Variants in SPIRE1 observed in about 807,000 individuals in gnomAD.
The protein encoded by SPIRE1 is protein spire homolog 1.
In SPIRE1, 40 loss-of-function variants were observed where a neutral mutation model predicts 94.1. The observed-to-expected ratio is 0.43, with a 90% CI of 0.33 to 0.55. The LOEUF is 0.55. Among genes scored for constraint, SPIRE1 ranks in the 20% least tolerant of loss-of-function variants. The pLI, the probability that SPIRE1 is intolerant of heterozygous loss-of-function variation, is 0.06. For synonymous variants in SPIRE1, 376 were observed against 371.7 expected (o/e 1.01, Z -0.13); for missense variants, 838 against 975.2 (o/e 0.86, Z 1.87).
At chr18:12,607,596 T>TACAC (rs34187168) in intron 2 of SPIRE1, among the ~76,000 whole-genome samples, 4,126 of 146,212 alleles carry the variant, frequency 0.028, 81 homozygotes, top group African/African-American at 0.04. Context: ...TCCACAGCAC[T>TACAC]ACACACACAC....
intron 4 of SPIRE1, among the ~76,000 whole-genome samples, chr18:12,525,659 AC>A (rs1341903749): frequency 6.6e-6 from 1 of 152,160 alleles, no homozygotes; most frequent in Non-Finnish European, 1.5e-5. Context: ...GTGACTATAC[AC>A]ACGGGAACCT....
At chr18:12,637,748 A>G (rs918596026) in intron 1 of SPIRE1, among the ~76,000 whole-genome samples, 1 of 152,214 alleles carries the variant, frequency 6.6e-6, no homozygotes, top group Non-Finnish European at 1.5e-5. Context: ...AAATTGGCTG[A>G]TTTCAGGGCT....
At position 12,479,725 on chromosome 18, in the gene SPIRE1, C is replaced by A; in HGVS notation, c.1378G>T (p.Ala460Ser). ...TCAGACTCAGAGCTGTCCAGTTCGG[C>A]CAGAGTTGGGGCTCTGAGGAGCTTC... The part of the protein sequence containing the change: ...RKKLLRAPTL[A>S]ELDSSESEEE... The change falls in exon 10 of 17, where the codon GCC becomes TCC. Residue 460 changes from alanine to serine, a missense_variant. This residue lies in a region of SPIRE1 where 645 missense variants were observed against 804.7 expected (regional missense o/e 0.80). Transcript: ENST00000409402. 1 of 1,613,566 alleles carries A rather than the reference C, an allele frequency of 6.2e-7. No homozygotes were observed. Among genetic ancestry groups the A allele is most frequent in the Non-Finnish European group, 8.5e-7 (1 of 1,179,854 alleles).
At chr18:12,456,960 C>T (rs1040741181) in intron 12 of SPIRE1, among the ~76,000 whole-genome samples, 1 of 152,138 alleles carries the variant, frequency 6.6e-6, no homozygotes, top group Middle Eastern at 3.2e-3. Context: ...GCCTCAGCCC[C>T]CTGAGTAGCT....
intron 2 of SPIRE1, among the ~76,000 whole-genome samples, chr18:12,566,702 A>T (rs192431078): frequency 7.8e-4 from 118 of 152,232 alleles, no homozygotes; most frequent in Non-Finnish European, 1.5e-3. Flanking sequence ...AAGAATAAAT[A>T]ATTAATAACC....
intron 2 of SPIRE1, among the ~76,000 whole-genome samples, chr18:12,603,065 C>G (rs529093519): frequency 6.6e-6 from 1 of 152,282 alleles, no homozygotes; most frequent in Admixed American, 6.5e-5. Flanking sequence ...CATAGCTTAG[C>G]CTAGCCTACC....
intron 2 of SPIRE1, among the ~76,000 whole-genome samples, chr18:12,628,857 A>C (rs1287643796): frequency 6.6e-6 from 1 of 152,082 alleles, no homozygotes; most frequent in Non-Finnish European, 1.5e-5. Context: ...GTCTGTTATT[A>C]GTGTACAGGA....
chr18:12,609,365 T>C (rs2037075107), intron 2 of SPIRE1, among the ~76,000 whole-genome samples: 1 of 152,200 alleles, frequency 6.6e-6, no homozygotes, highest in African/African-American at 2.4e-5. Context: ...TACAAGCTGG[T>C]TGATGAAACC....
At chr18:12,541,827 G>A (rs1175880893) in intron 3 of SPIRE1, among the ~76,000 whole-genome samples, 2 of 149,770 alleles carry the variant, frequency 1.3e-5, no homozygotes, top group South Asian at 4.3e-4. Flanking sequence ...AGCCATGTAT[G>A]TAGTTTTAAA....
intron 2 of SPIRE1, among the ~76,000 whole-genome samples, chr18:12,582,708 G>C (rs2036287446): frequency 6.6e-6 from 1 of 152,150 alleles, no homozygotes; most frequent in Admixed American, 6.6e-5. Flanking sequence ...AAAATCTCCA[G>C]AGCATGGGAG....
intron 2 of SPIRE1, among the ~76,000 whole-genome samples, chr18:12,598,519 A>T (rs886227114): frequency 2.6e-5 from 4 of 152,134 alleles, no homozygotes; most frequent in Admixed American, 6.5e-5. Flanking sequence ...TTTAAGAAAA[A>T]TTTAAATATT....
rs1171298904 is a variant in SPIRE1 at position 12,657,755 on chromosome 18, C to G, written c.112G>C (p.Asp38His). 16 of 1,351,092 alleles carry G rather than the reference C, an allele frequency of 1.2e-5. No homozygotes were observed. In the East Asian group the frequency reaches 5.4e-4, roughly 45 times the overall value. 83.7% of individuals were successfully genotyped at this position (1,351,092 alleles called of 1,614,324 possible). A position where few individuals can be genotyped will look rare whatever the true frequency, so the allele number is the denominator to read the frequency against. The change falls in exon 1 of 17, where the codon GAC becomes CAC. Residue 38 changes from aspartate (D) to histidine (H), a missense_variant. Physicochemically the swap from Asp to His is moderately conservative, Grantham distance 81. Coordinates refer to ENST00000409402, the MANE Select transcript of SPIRE1 (RefSeq NM_001128626.2). ...AAGGAAGGSR[D>H]ALSLEEILRL... ...AGGATCTCCTCCAGGCTCAGCGCGTCCCGGGAGCCCCCGGCCGCGCCGCCG... is the reference window on the plus strand; with the variant it reads ...AGGATCTCCTCCAGGCTCAGCGCGTGCCGGGAGCCCCCGGCCGCGCCGCCG...
chr18:12,546,012 C>T (rs1388995849), intron 3 of SPIRE1, among the ~76,000 whole-genome samples: 5 of 151,364 alleles, frequency 3.3e-5, no homozygotes, highest in African/African-American at 7.4e-5. Context: ...ATTATTGAGA[C>T]GGAGTCTCGC....
At chr18:12,629,897 T>C (rs115150206) in intron 2 of SPIRE1, among the ~76,000 whole-genome samples, 3,085 of 152,254 alleles carry the variant, frequency 0.02, 117 homozygotes, top group African/African-American at 0.07. Context: ...AAATACTTAG[T>C]ATAATCAAGT....
chr18:12,466,185 A>G (rs575758977), intron 10 of SPIRE1, among the ~76,000 whole-genome samples: 1 of 152,358 alleles, frequency 6.6e-6, no homozygotes, highest in Admixed American at 6.5e-5. Context: ...GTTTTAGACT[A>G]AACAAAAATA....
intron 2 of SPIRE1, among the ~76,000 whole-genome samples, chr18:12,562,045 T>A (rs1261684424): frequency 1.3e-5 from 2 of 152,168 alleles, no homozygotes; most frequent in Non-Finnish European, 2.9e-5. Context: ...AATAACAGCA[T>A]CCAAGTTAAG....
In SPIRE1 at chr18:12,465,540, A is replaced by G. The variant is rs570193729; in HGVS notation, c.1405-582T>C. Among the ~76,000 whole-genome samples the G allele has an allele frequency of 3.4e-4, 52 of 152,328 alleles. 1 individual carries two copies. Among genetic ancestry groups the G allele is most frequent in the Non-Finnish European group, 6.3e-4 (43 of 68,022 alleles). ...ATAGGGTTATTGGAAAGATGAAATG[A>G]GGTAATGCATTCAAAATGCTTAACA... On this transcript the variant is annotated intron_variant, in intron 10 of 16. Transcript: ENST00000409402.
chr18:12,479,948 G>A (rs1404602855), intron 9 of SPIRE1, 77 bp from the exon 10 acceptor site: 3 of 1,389,524 alleles, frequency 2.2e-6, no homozygotes, highest in African/African-American at 1.4e-5. Flanking sequence ...AGGTAACAGA[G>A]CATTTCATAC....
At chr18:12,483,345 A>G (rs2032913199) in intron 9 of SPIRE1, among the ~76,000 whole-genome samples, 1 of 152,214 alleles carries the variant, frequency 6.6e-6, no homozygotes, top group South Asian at 2.1e-4. Context: ...TCAAATGAGA[A>G]AAGCAAAACA....
Sources: gnomAD v4.1 joint callset for allele counts (sites outside exome capture counted in the v4.1 genomes callset) on GRCh38, gnomAD v4.1.1 for gene constraint, gnomAD v4.1.1 regional missense constraint, MANE v1.5 for transcripts, NCBI Gene and HGNC (gene_info 2026-07-23, HGNC 2026-07-21) for gene names.